The following ARMC8 variants were observed in gnomAD, a reference collection of about 807,000 sequenced individuals.
The protein encoded by ARMC8 is armadillo repeat-containing protein 8.
ARMC8 carries 20 observed loss-of-function variants against 99.3 expected under a neutral mutation model. The ratio of observed to expected loss-of-function variants is 0.20; its 90% CI spans 0.14 to 0.29. The LOEUF (loss-of-function observed/expected upper bound fraction) is 0.29. ARMC8 is among the 10% of genes least tolerant of loss of function. ARMC8 has a pLI of 1.00. For synonymous variants in ARMC8, 263 were observed against 278.3 expected, an observed-to-expected ratio of 0.95 and a Z score of 0.55; for missense variants, 569 against 809.5, an observed-to-expected ratio of 0.70 and a Z score of 3.60.
At position 138,209,855 on chromosome 3, in the gene ARMC8, A is replaced by G. The variant is rs763780226; in HGVS notation, c.84A>G (p.Leu28=). Residue 28 remains leucine, a synonymous_variant, in exon 2 of 22, where the codon CTA becomes CTG. Transcript: ENST00000469044. ...GCAGTCGCCACTATGTTGACAGGCTATTTGACCCTGATCCCCAGAAAGTTC... is the reference window on the plus strand; with the variant it reads ...GCAGTCGCCACTATGTTGACAGGCTGTTTGACCCTGATCCCCAGAAAGTTC... ...TASSRHYVDR[L]FDPDPQKVLQ... 8 of 1,613,822 alleles carry G rather than the reference A, an allele frequency of 5.0e-6. No individual in the cohort carries two copies. The highest frequency in any genetic ancestry group is 2.7e-5 in the African/African-American group (2 of 74,912).
At chr3:138,191,115 T>A (rs970530323) in intron 1 of ARMC8, among the ~76,000 whole-genome samples, 5 of 152,192 alleles carry the variant, frequency 3.3e-5, no homozygotes, top group Admixed American at 2.0e-4. Context: ...ATACTCTATC[T>A]TGTCGTATTA....
chr3:138,209,930 GT>G (rs756570659), intron 2 of ARMC8, 37 bp downstream of exon 2: 9 of 1,530,320 alleles, frequency 5.9e-6, no homozygotes, highest in Non-Finnish European at 8.1e-6. Flanking sequence ...TCAAAAAGTT[GT>G]TTGTTTTCAT....
rs188779719 is a variant in ARMC8 at position 138,221,010 on chromosome 3, T to A, written c.123-916T>A. On this transcript the variant is annotated intron_variant, in intron 2 of 21. Transcript: ENST00000469044. ...CGGCCAGGGAAGTTTTTTTAAACAT[T>A]TTATTAGTAGTACTGGGTTTATTTT... Among the ~76,000 whole-genome samples the A allele has an allele frequency of 1.5e-3, 228 of 152,170 alleles. 1 individual carries two copies. Among genetic ancestry groups the A allele is most frequent in the African/African-American group, 5.2e-3 (215 of 41,534 alleles).
At chr3:138,281,580 C>T (rs760464153) in intron 18 of ARMC8, among the ~76,000 whole-genome samples, 10 of 152,118 alleles carry the variant, frequency 6.6e-5, no homozygotes, top group Admixed American at 3.3e-4. Context: ...TGTGAGCCAC[C>T]GCCCCGGCCT....
chr3:138,235,404 T>C (rs992555370), intron 7 of ARMC8, among the ~76,000 whole-genome samples: 79 of 152,350 alleles, frequency 5.2e-4, no homozygotes, highest in African/African-American at 1.7e-3. Flanking sequence ...CCTTGAAGTA[T>C]AGAAGCAGTG....
chr3:138,187,963 T>C (rs1486682406), intron 1 of ARMC8: 6 of 310,468 alleles, frequency 1.9e-5, no homozygotes, highest in Non-Finnish European at 3.0e-5. Flanking sequence ...ACGCTCTGCC[T>C]TGTGAAGCGC....
At chr3:138,267,768 A>G (rs1221993867) in intron 15 of ARMC8, among the ~76,000 whole-genome samples, 1 of 152,144 alleles carries the variant, frequency 6.6e-6, no homozygotes, top group Non-Finnish European at 1.5e-5. Flanking sequence ...ACTAAAATAT[A>G]CCTTAATGAA....
chr3:138,270,033 A>T lies in ARMC8; in HGVS notation c.1387-7A>T, dbSNP rs760582045. ...CTGTGATTTTTTTTTTCCCTGTCCA[A>T]TGGCAGCCAATTTTGGAATCAGGAG... On this transcript the variant is annotated splice_region_variant and splice_polypyrimidine_tract_variant and intron_variant, in intron 15 of 21. Transcript: ENST00000469044. 14 of 1,606,352 alleles carry T rather than the reference A, an allele frequency of 8.7e-6. No homozygotes were observed. The highest frequency in any genetic ancestry group is 1.1e-5 in the Non-Finnish European group (13 of 1,173,866).
intron 2 of ARMC8, among the ~76,000 whole-genome samples, chr3:138,217,216 G>A (rs560045331): frequency 2.6e-5 from 4 of 152,182 alleles, no homozygotes; most frequent in African/African-American, 9.6e-5. Context: ...TGTCCTCGTC[G>A]TTAAGCGAAG....
At chr3:138,283,710 G>A (rs1268991426) in intron 18 of ARMC8, among the ~76,000 whole-genome samples, 1 of 152,212 alleles carries the variant, frequency 6.6e-6, no homozygotes, top group African/African-American at 2.4e-5. Context: ...TGGAACAGCT[G>A]ACAAGAACAG....
intron 9 of ARMC8, 174 bp from the exon 10 acceptor site, chr3:138,239,294 C>T: frequency 3.8e-6 from 2 of 519,562 alleles, no homozygotes; most frequent in Non-Finnish European, 6.8e-6. Context: ...AGTTAGTTTT[C>T]TTTGACTATT....
chr3:138,286,004 A>T (rs2050369653), intron 19 of ARMC8, among the ~76,000 whole-genome samples: 1 of 152,134 alleles, frequency 6.6e-6, no homozygotes, highest in African/African-American at 2.4e-5. Flanking sequence ...GAGTGCAGTG[A>T]CGCGATCTTG....
intron 1 of ARMC8, among the ~76,000 whole-genome samples, chr3:138,189,922 A>G (rs1457087448): frequency 6.6e-6 from 1 of 152,190 alleles, no homozygotes; most frequent in Non-Finnish European, 1.5e-5. Context: ...TCTTTCACTG[A>G]TAAGTAACTG....
chr3:138,270,268 A>G, intron 16 of ARMC8, 136 bp downstream of exon 16: 1 of 673,600 alleles, frequency 1.5e-6, no homozygotes, highest in Non-Finnish European at 2.5e-6. Context: ...TAGTTTTCTA[A>G]TGACTAGGAC....
intron 6 of ARMC8, among the ~76,000 whole-genome samples, chr3:138,233,711 C>G (rs566717720): frequency 3.3e-5 from 5 of 152,148 alleles, no homozygotes; most frequent in Non-Finnish European, 5.9e-5. Flanking sequence ...CAAGAAAGAA[C>G]GAGCATCTTC....
intron 2 of ARMC8, among the ~76,000 whole-genome samples, chr3:138,217,232 C>T (rs2045107842): frequency 6.6e-6 from 1 of 152,100 alleles, no homozygotes; most frequent in African/African-American, 2.4e-5. Context: ...CGAAGCATGA[C>T]TGTAATTGAT....
At chr3:138,224,902 C>G (rs1354392743) in intron 5 of ARMC8, among the ~76,000 whole-genome samples, 1 of 152,092 alleles carries the variant, frequency 6.6e-6, no homozygotes, top group African/African-American at 2.4e-5. Context: ...TAAAAAGACC[C>G]ATTTTTATCT....
At chr3:138,190,537 C>T (rs965451484) in intron 1 of ARMC8, among the ~76,000 whole-genome samples, 8 of 152,070 alleles carry the variant, frequency 5.3e-5, no homozygotes, top group Non-Finnish European at 8.8e-5. Context: ...GATCCACCCA[C>T]CTTGGCCTCC....
At chr3:138,269,820 C>CTTTTTT (rs77095833) in intron 15 of ARMC8, among the ~76,000 whole-genome samples, 5 of 121,666 alleles carry the variant, frequency 4.1e-5, no homozygotes, top group South Asian at 2.8e-4. Flanking sequence ...TGTTTTCTTT[C>CTTTTTT]TTTTTTTTTT....
Sources: allele counts gnomAD v4.1 joint callset (sites outside exome capture counted in the v4.1 genomes callset), GRCh38; gene constraint gnomAD v4.1.1; transcripts MANE v1.5; gene names NCBI Gene and HGNC (gene_info 2026-07-23, HGNC 2026-07-21).